The following STIM2 variants were observed in gnomAD, a reference collection of about 807,000 sequenced individuals.
STIM2 encodes the protein stromal interaction molecule 2.
In STIM2, 31 loss-of-function variants were observed where a neutral mutation model predicts 85.8. That is an observed-to-expected ratio of 0.36 (90% confidence interval 0.27 to 0.49). The LOEUF (loss-of-function observed/expected upper bound fraction) is 0.49. Ranked by LOEUF, STIM2 falls within the 20% of genes least tolerant of loss-of-function variation. The probability of loss-of-function intolerance (pLI) is 0.98; values close to 1 mark genes in which losing one functional copy is unlikely to be tolerated. For synonymous variants in STIM2, 356 were observed against 331.1 expected, an observed-to-expected ratio of 1.08 and a Z score of -0.82; for missense variants, 841 against 927.6, an observed-to-expected ratio of 0.91 and a Z score of 1.21.
intron 2 of STIM2, among the ~76,000 whole-genome samples, chr4:26,938,175 A>G (rs1179105405): frequency 1.3e-5 from 2 of 149,380 alleles, no homozygotes; most frequent in African/African-American, 4.9e-5. Context: ...GTTTTCCCAA[A>G]TTTTCTTTTT....
intron 2 of STIM2, among the ~76,000 whole-genome samples, chr4:26,921,278 T>C (rs772100652): frequency 2.0e-5 from 3 of 152,218 alleles, no homozygotes; most frequent in Non-Finnish European, 4.4e-5. Flanking sequence ...TGAGAGAGCA[T>C]GATTCTGTGG....
chr4:26,927,675 T>A (rs1577442460), intron 2 of STIM2, among the ~76,000 whole-genome samples: 13 of 15,956 alleles, frequency 8.1e-4, no homozygotes, highest in African/African-American at 1.7e-3. Flanking sequence ...AAACTTAGAG[T>A]ATAATAAAAA....
rs182854738 is a variant in STIM2, at chr4:26,998,773, G to A, written c.510-459G>A. Among the ~76,000 whole-genome samples the A allele has an allele frequency of 9.1e-3, 1,383 of 151,984 alleles. 13 individuals carry two copies. The highest frequency in any genetic ancestry group is 0.013 in the Non-Finnish European group (877 of 67,952). On this transcript the variant is annotated intron_variant, in intron 4 of 11. Transcript: ENST00000467087. The stretch of plus-strand genomic sequence containing the variant: ...TAAAAATACAAAAAATTACCCAGGC[G>A]TGGTGGCACGTGCCTGTAGTCCCAG...
At chr4:26,872,291 G>T (rs1462775819) in intron 1 of STIM2, among the ~76,000 whole-genome samples, 1 of 152,228 alleles carries the variant, frequency 6.6e-6, no homozygotes, top group East Asian at 1.9e-4. Context: ...GTGACATTGA[G>T]AAGCAGTGTG....
chr4:26,891,588 C>CA (rs951399882), intron 1 of STIM2, among the ~76,000 whole-genome samples: 2 of 151,034 alleles, frequency 1.3e-5, no homozygotes, highest in Non-Finnish European at 2.9e-5. Context: ...CACACACACA[C>CA]ACACACACAC....
intron 2 of STIM2, among the ~76,000 whole-genome samples, chr4:26,937,863 C>T (rs748026205): frequency 5.3e-5 from 8 of 152,148 alleles, no homozygotes; most frequent in Non-Finnish European, 8.8e-5. Context: ...TAAACACTGG[C>T]TCTACCTCAG....
intron 1 of STIM2, among the ~76,000 whole-genome samples, chr4:26,914,767 T>C (rs1724471452): frequency 6.6e-6 from 1 of 152,202 alleles, no homozygotes; most frequent in Non-Finnish European, 1.5e-5. Flanking sequence ...ATACTTAATA[T>C]AATGGTTTGT....
intron 3 of STIM2, among the ~76,000 whole-genome samples, chr4:26,983,168 G>A (rs889678900): frequency 6.6e-6 from 1 of 152,174 alleles, no homozygotes; most frequent in Non-Finnish European, 1.5e-5. Flanking sequence ...AGAAAAATCG[G>A]AATGCACACT....
intron 3 of STIM2, 97 bp downstream of exon 3, chr4:26,957,823 T>C: frequency 1.4e-6 from 1 of 697,072 alleles, no homozygotes; most frequent in Admixed American, 3.0e-5. Flanking sequence ...ACCAAAAAAA[T>C]CAAAATAACA....
At chr4:26,942,875 C>T (rs376280076) in intron 2 of STIM2, among the ~76,000 whole-genome samples, 5 of 152,174 alleles carry the variant, frequency 3.3e-5, no homozygotes, top group East Asian at 3.9e-4. Context: ...ACCCTGTAAC[C>T]GAGTCCTGAG....
At chr4:26,933,834 G>A (rs1725299349) in intron 2 of STIM2, among the ~76,000 whole-genome samples, 1 of 151,162 alleles carries the variant, frequency 6.6e-6, no homozygotes, top group Non-Finnish European at 1.5e-5. Flanking sequence ...AGTGTGTATG[G>A]ATACATATAT....
At chr4:26,950,463 A>G (rs965271123) in intron 2 of STIM2, among the ~76,000 whole-genome samples, 8 of 152,102 alleles carry the variant, frequency 5.3e-5, no homozygotes, top group South Asian at 2.1e-4. Context: ...TTAATCCACA[A>G]TGTAACAGTG....
rs749077232 is a variant in STIM2, at chr4:27,007,994, A to G, written c.1149+294A>G. 1.3e-5 allele frequency: 9 copies of G among 717,794 alleles called. No homozygotes were observed. In the South Asian group the frequency reaches 1.3e-4, roughly 11 times the overall value. 44.5% of individuals were successfully genotyped at this position (717,794 alleles called of 1,614,324 possible). A position where few individuals can be genotyped will look rare whatever the true frequency, so the allele number is the denominator to read the frequency against. ...CTTTTTTCCTCTAGGTTGCTGCTTC[A>G]TATCTGATTCAGGTTAGTAGTTACT... is the stretch of plus-strand genomic sequence containing the variant. On this transcript the variant is annotated intron_variant, in intron 8 of 11. Transcript: ENST00000467087.
Position 26,955,696 on chromosome 4 carries a change from T to C in STIM2, c.283-1916T>C, listed in dbSNP as rs931373675. 1.4e-5 allele frequency among the ~76,000 whole-genome samples: 2 copies of C among 148,130 alleles called. 1 individual carries two copies. The highest frequency in any genetic ancestry group is 5.2e-5 in the African/African-American group (2 of 38,800). ...ACAGATTACATAGATTTTTTTAGTT[T>C]AGTACTTTTCAAACTTTTGATGACG... On this transcript the variant is annotated intron_variant, in intron 2 of 11. Transcript: ENST00000467087.
At chr4:27,001,271 C>T (rs769677481) in intron 5 of STIM2, among the ~76,000 whole-genome samples, 65 of 152,220 alleles carry the variant, frequency 4.3e-4, no homozygotes, top group African/African-American at 1.3e-3. Flanking sequence ...TGTCTCTGTT[C>T]GAGAGAGCCC....
chr4:26,977,577 C>G (rs1727244633), intron 3 of STIM2, among the ~76,000 whole-genome samples: 1 of 152,056 alleles, frequency 6.6e-6, no homozygotes, highest in Admixed American at 6.6e-5. Flanking sequence ...GCTGGAAAGT[C>G]TGATTTCATG....
At chr4:26,873,860 C>A in intron 1 of STIM2, 1 of 1,171,210 alleles carries the variant, frequency 8.5e-7, no homozygotes, top group Non-Finnish European at 1.3e-6. Flanking sequence ...TGAACCCATC[C>A]GGGCAGAGAG....
chr4:26,953,018 A>G (rs935196304), intron 2 of STIM2, among the ~76,000 whole-genome samples: 3 of 152,094 alleles, frequency 2.0e-5, no homozygotes, highest in South Asian at 2.1e-4. Context: ...AGACCTTGCA[A>G]TTGTTTATGA....
chr4:26,995,169 C>T (rs1262035205), intron 3 of STIM2, among the ~76,000 whole-genome samples: 1 of 152,064 alleles, frequency 6.6e-6, no homozygotes, highest in Non-Finnish European at 1.5e-5. Flanking sequence ...ATTAATCATG[C>T]TAATCTTTGT....
Sources: allele counts gnomAD v4.1 joint callset (sites outside exome capture counted in the v4.1 genomes callset), GRCh38; gene constraint gnomAD v4.1.1; transcripts MANE v1.5; gene names NCBI Gene and HGNC (gene_info 2026-07-23, HGNC 2026-07-21).